MYBPC3: variants seen among roughly 807,000 people sequenced by gnomAD.
The protein encoded by MYBPC3 is myosin binding protein C3.
A neutral mutation model predicts 159.3 loss-of-function variants in MYBPC3; 108 were observed. The ratio of observed to expected loss-of-function variants is 0.68; its 90% CI spans 0.58 to 0.80. MYBPC3 has a LOEUF of 0.80. Among genes scored for constraint, MYBPC3 ranks in the 30% least tolerant of loss-of-function variants. MYBPC3 has a pLI of 0.00. For synonymous variants in MYBPC3, 730 were observed against 702.0 expected, an observed-to-expected ratio of 1.04 and a Z score of -0.63; for missense variants, 1,631 against 1,762.1, an observed-to-expected ratio of 0.93 and a Z score of 1.33.
At position 47,343,472 on chromosome 11, in the gene MYBPC3, CT is replaced by C; in HGVS notation, c.1223+19del. 6.4e-7 allele frequency: 1 copy of C among 1,566,456 alleles called. No individual in the cohort carries two copies. The highest frequency in any genetic ancestry group is 1.4e-5 in the African/African-American group (1 of 73,960). ...GGTCCCCACCTCCACCCGAGCCCCC[CT>C]CCCCACCCCAGGCTGCACCTGCCGC... is the stretch of plus-strand genomic sequence containing the variant. On this transcript the variant is annotated intron_variant, in intron 13 of 34. Coordinates refer to ENST00000545968, the MANE Select transcript of MYBPC3 (RefSeq NM_000256.3).
chr11:47,342,091 A>G lies in MYBPC3; in HGVS notation c.1690T>C (p.Phe564Leu). ...LMVGAKDQAV[F>L]KCEVSDENVR... is the part of the protein sequence containing the mutation. ...TTCTCATCTGAGACCTCACATTTGAACACCGCCTGGTCCTTTGCGCCCACC... is the reference window on the plus strand; with the variant it reads ...TTCTCATCTGAGACCTCACATTTGAGCACCGCCTGGTCCTTTGCGCCCACC... Residue 564 changes from phenylalanine (F) to leucine (L), a missense_variant, in exon 18 of 35, where the codon TTC becomes CTC. Physicochemically the swap from Phe to Leu is conservative, Grantham distance 22. Coordinates refer to ENST00000545968, the MANE Select transcript of MYBPC3 (RefSeq NM_000256.3). The G allele has an allele frequency of 6.2e-7, 1 of 1,613,854 alleles. No homozygotes were observed. The highest frequency in any genetic ancestry group is 1.1e-5 in the South Asian group (1 of 91,046).
Position 47,332,704 on chromosome 11 carries a change from T to A in MYBPC3, c.3491-2A>T, listed in dbSNP as rs397516022. 6.2e-7 allele frequency: 1 copy of A among 1,606,290 alleles called. No individual in the cohort carries two copies. Among genetic ancestry groups the A allele is most frequent in the African/African-American group, 1.3e-5 (1 of 74,736 alleles). ...AGTTGGGTGGCTCATAGGTGATGCC[T>A]GTTGGTGACAGGACTTGGTACCGAG... On this transcript the variant is annotated splice_acceptor_variant, in intron 31 of 34. Coordinates refer to ENST00000545968, the MANE Select transcript of MYBPC3 (RefSeq NM_000256.3). LOFTEE classifies it high-confidence loss of function. The surrounding 1 kb of genome is among the most constrained non-coding windows in gnomAD (Gnocchi z 4.2).
rs1464941952 is a variant in MYBPC3 at position 47,338,992 on chromosome 11, G to A, written c.2149-313C>T. ...GGAGCAAGACCCCGGCAGCTACACTGGCAGAAAAGTGTCTCAGAAACTACT... is the reference window on the plus strand; with the variant it reads ...GGAGCAAGACCCCGGCAGCTACACTAGCAGAAAAGTGTCTCAGAAACTACT... On this transcript the variant is annotated intron_variant, in intron 22 of 34. Coordinates refer to ENST00000545968, the MANE Select transcript of MYBPC3 (RefSeq NM_000256.3). This position sits in a 1 kb window ranked among gnomAD's most constrained non-coding sequence, Gnocchi z 4.7. 5.3e-5 allele frequency among the ~76,000 whole-genome samples: 8 copies of A among 152,226 alleles called. No individual in the cohort carries two copies. Among genetic ancestry groups the A allele is most frequent in the African/African-American group, 1.7e-4 (7 of 41,450 alleles).
chr11:47,343,425 G>A, intron 13 of MYBPC3, 67 bp downstream of exon 13: 1 of 1,521,534 alleles, frequency 6.6e-7, no homozygotes. Flanking sequence ...ATGTGGAGAG[G>A]GGCAGGAGGC....
Position 47,332,121 on chromosome 11 carries a change from G to A in MYBPC3, c.3765C>T (p.Ala1255=), listed in dbSNP as rs1354801986. 1 of 1,613,532 alleles carries A rather than the reference G, an allele frequency of 6.2e-7. No homozygotes were observed. Among genetic ancestry groups the A allele is most frequent in the East Asian group, 2.2e-5 (1 of 44,892 alleles). The change falls in exon 33 of 35, where the codon GCC becomes GCT. Residue 1255 remains alanine (A), a synonymous_variant. Coordinates refer to ENST00000545968, the MANE Select transcript of MYBPC3 (RefSeq NM_000256.3). The surrounding 1 kb of genome is among the most constrained non-coding windows in gnomAD (Gnocchi z 4.2). ...PFDGGIYVCR[A]TNLQGEARCE... ...ACCGTGCCTCGCCCTGTAAGTTGGT[G>A]GCCCTGCAGACATAGATGCCCCCGT...
At chr11:47,341,647 G>GGA (rs2095888713) in intron 18 of MYBPC3, among the ~76,000 whole-genome samples, 1 of 152,286 alleles carries the variant, frequency 6.6e-6, no homozygotes, top group South Asian at 2.1e-4. Context: ...ACAAGCTGGG[G>GGA]GAGGGTGCTG....
chr11:47,347,015 C>T lies in MYBPC3; in HGVS notation c.908+12G>A. 1 of 788,038 alleles carries T rather than the reference C, an allele frequency of 1.3e-6. No homozygotes were observed. The highest frequency in any genetic ancestry group is 2.3e-6 in the Non-Finnish European group (1 of 438,106). The allele number at this position is 788,038 out of a possible 1,614,324, so 48.8% of individuals were successfully genotyped here. ...CCCTGCCGCCCCCAAACACCCAGACCCCGATTCTTACTCTCTGGGCCACAG... is the reference window on the plus strand; with the variant it reads ...CCCTGCCGCCCCCAAACACCCAGACTCCGATTCTTACTCTCTGGGCCACAG... On this transcript the variant is annotated intron_variant, in intron 10 of 34. Transcript: ENST00000545968.
rs918267409 is a variant in MYBPC3 at position 47,351,173 on chromosome 11, G to A, written c.292+66C>T. The A allele has an allele frequency of 8.3e-6, 12 of 1,441,322 alleles. No individual in the cohort carries two copies. The African/African-American group carries it at 1.3e-4, about 15-fold the overall frequency. 89.3% of individuals were successfully genotyped at this position (1,441,322 alleles called of 1,614,324 possible). A position where few individuals can be genotyped will look rare whatever the true frequency, so the allele number is the denominator to read the frequency against. ...AGCACCTCCTGTTCCCTGGATGGAT[G>A]GAGAGTCGCTGGGCTGCCCCTCCCC... On this transcript the variant is annotated intron_variant, in intron 2 of 34. Coordinates refer to ENST00000545968, the MANE Select transcript of MYBPC3 (RefSeq NM_000256.3). The surrounding 1 kb of genome is among the most constrained non-coding windows in gnomAD (Gnocchi z 4.2).
chr11:47,342,483 A>G, intron 17 of MYBPC3, 95 bp downstream of exon 17: 1 of 1,389,658 alleles, frequency 7.2e-7, no homozygotes, highest in Non-Finnish European at 9.5e-7. Context: ...AGAGGCCTTG[A>G]GCCCAGGTTT....
chr11:47,333,564 C>T lies in MYBPC3; in HGVS notation c.3183G>A (p.Gln1061=). 6.2e-7 allele frequency: 1 copy of T among 1,600,256 alleles called. No homozygotes were observed. The highest frequency in any genetic ancestry group is 8.5e-7 in the Non-Finnish European group (1 of 1,179,792). The change falls in exon 29 of 35, where the codon CAG becomes CAA. Residue 1061 remains glutamine, a synonymous_variant. Transcript: ENST00000545968. ...GAGGCCTTGGCCACGCACCAACAAC[C>T]TGCAGCACCAGCGTGGCCTTGTCCT... ...NMEDKATLVL[Q]VVDKPSPPQD...
At position 47,351,438 on chromosome 11, in the gene MYBPC3, G is replaced by A. The variant is rs397516085; in HGVS notation, c.93C>T (p.Ala31=). The change falls in exon 2 of 35, where the codon GCC becomes GCT. Residue 31 remains alanine (A), a synonymous_variant. Transcript: ENST00000545968. The surrounding 1 kb of genome is among the most constrained non-coding windows in gnomAD (Gnocchi z 4.2). ...VAAGSPAVFE[A]ETERAGVKVR... is the part of the protein sequence containing the mutation. ...CCTTCACTCCTGCCCGCTCTGTCTC[G>A]GCCTCGAACACGGCAGGGCTGCCTG... 5.1e-5 allele frequency: 82 copies of A among 1,608,954 alleles called. No homozygotes were observed. The Admixed American group carries it at 8.4e-4, about 16-fold the overall frequency.
chr11:47,348,908 TTATATA>T (rs58411933), intron 5 of MYBPC3, among the ~76,000 whole-genome samples: 5 of 39,884 alleles, frequency 1.3e-4, no homozygotes, highest in African/African-American at 2.3e-4. Flanking sequence ...CTGTCTCAAA[TTATATA>T]TATATATATA....
In MYBPC3 at chr11:47,333,700, C is replaced by T; in HGVS notation, c.3047G>A (p.Gly1016Asp). The T allele has an allele frequency of 6.2e-7, 1 of 1,610,354 alleles. No individual in the cohort carries two copies. The highest frequency in any genetic ancestry group is 1.1e-5 in the South Asian group (1 of 90,960). The change falls in exon 29 of 35, where the codon GGC (glycine) becomes GAC (aspartate). Residue 1016 changes from glycine (G) to aspartate (D), a missense_variant. Physicochemically the swap from Gly to Asp is moderately conservative, Grantham distance 94. Coordinates refer to ENST00000545968, the MANE Select transcript of MYBPC3 (RefSeq NM_000256.3). The part of the protein sequence containing the change: ...TWTKEGQPLA[G>D]EEVSIRNSPT... ...GCTGTTGCGGATGCTCACCTCCTCG[C>T]CTGCCAGGGGCTGCCCCTCTTTGGT...
chr11:47,340,859 T>C, intron 20 of MYBPC3, 144 bp downstream of exon 20: 1 of 911,480 alleles, frequency 1.1e-6, no homozygotes, highest in East Asian at 2.9e-5. Context: ...AATTGACCCA[T>C]GGTCATGAGT....
intron 12 of MYBPC3, among the ~76,000 whole-genome samples, chr11:47,344,915 G>A (rs549256853): frequency 3.3e-5 from 5 of 152,156 alleles, no homozygotes; most frequent in South Asian, 2.1e-4. Flanking sequence ...CTCAGCCTCC[G>A]GAGTAGCTGG....
rs763030622 is a variant in MYBPC3 at position 47,341,178 on chromosome 11, C to T, written c.1857G>A (p.Glu619=). The change falls in exon 19 of 35, where the codon GAG becomes GAA. Residue 619 remains glutamate, a synonymous_variant. Transcript: ENST00000545968. ...ADEADYSFVP[E]GFACNLSAKL... The stretch of plus-strand genomic sequence containing the variant: ...TGGCTGACAGGTTGCAGGCGAAGCC[C>T]TCGGGCACAAAGCTGTAGTCAGCCT... 7 of 1,595,766 alleles carry T rather than the reference C, an allele frequency of 4.4e-6. No homozygotes were observed. The highest frequency in any genetic ancestry group is 1.7e-5 in the Admixed American group (1 of 57,562).
chr11:47,346,512 G>A lies in MYBPC3; in HGVS notation c.926+115C>T. 1 of 1,465,458 alleles carries A rather than the reference G, an allele frequency of 6.8e-7. No individual in the cohort carries two copies. Among genetic ancestry groups the A allele is most frequent in the Non-Finnish European group, 9.1e-7 (1 of 1,094,230 alleles). 90.8% of individuals were successfully genotyped at this position (1,465,458 alleles called of 1,614,324 possible). The stretch of plus-strand genomic sequence containing the variant: ...TGGTGGGGCAGCTGGAGCTGCTCTG[G>A]GTCCCAGGCCAGGCAGGACTGGGGG... On this transcript the variant is annotated intron_variant, in intron 11 of 34. Coordinates refer to ENST00000545968, the MANE Select transcript of MYBPC3 (RefSeq NM_000256.3). This position sits in a 1 kb window ranked among gnomAD's most constrained non-coding sequence, Gnocchi z 5.3.
rs188327777 is a variant in MYBPC3 at position 47,348,556 on chromosome 11, G to T, written c.655-15C>A. 3 of 1,596,260 alleles carry T rather than the reference G, an allele frequency of 1.9e-6. No individual in the cohort carries two copies. Among genetic ancestry groups the T allele is most frequent in the African/African-American group, 2.7e-5 (2 of 74,560 alleles). On this transcript the variant is annotated splice_polypyrimidine_tract_variant and intron_variant, in intron 5 of 34. Transcript: ENST00000545968. ...AACAGATAGACCTGTGTGCATGGAGGGACGGGGCGTCAGGGGACACCAGGG... is the reference window on the plus strand; with the variant it reads ...AACAGATAGACCTGTGTGCATGGAGTGACGGGGCGTCAGGGGACACCAGGG...
chr11:47,342,868 A>G lies in MYBPC3; in HGVS notation c.1419T>C (p.Phe473=). 1 of 1,613,316 alleles carries G rather than the reference A, an allele frequency of 6.2e-7. No individual in the cohort carries two copies. Among genetic ancestry groups the G allele is most frequent in the Non-Finnish European group, 8.5e-7 (1 of 1,179,606 alleles). Residue 473 remains phenylalanine (F), a synonymous_variant, in exon 16 of 35, where the codon TTT becomes TTC. Coordinates refer to ENST00000545968, the MANE Select transcript of MYBPC3 (RefSeq NM_000256.3). ...QLVMVGQRVE[F]ECEVSEEGAQ... is the part of the protein sequence containing the mutation. ...CCCCCTCCTCCGATACTTCACACTC[A>G]AACTCCACCCGCTGCCCCACCATCA...
Sources: allele counts gnomAD v4.1 joint callset (sites outside exome capture counted in the v4.1 genomes callset), GRCh38; gene constraint gnomAD v4.1.1; non-coding constraint Gnocchi (gnomAD v3.1); transcripts MANE v1.5; gene names NCBI Gene and HGNC (gene_info 2026-07-23, HGNC 2026-07-21).